BRCA2: variants seen among roughly 807,000 people sequenced by gnomAD.
BRCA2 encodes the protein BRCA2 DNA repair associated.
A neutral mutation model predicts 276.7 loss-of-function variants in BRCA2; 203 were observed. The observed-to-expected ratio is 0.73, with a 90% confidence interval of 0.65 to 0.82. The LOEUF is 0.82. BRCA2 is among the 40% of genes least tolerant of loss of function. The pLI, the probability that BRCA2 is intolerant of heterozygous loss-of-function variation, is 0.00. For missense variants in BRCA2, 3,920 were observed against 3,915.0 expected, an observed-to-expected ratio of 1.00 and a Z score of -0.03; for synonymous variants, 1,289 against 1,338.4, an observed-to-expected ratio of 0.96 and a Z score of 0.81.
intron 15 of BRCA2, among the ~76,000 whole-genome samples, chr13:32,356,876 C>G (rs1246378602): frequency 2.0e-5 from 3 of 152,180 alleles, no homozygotes; most frequent in Non-Finnish European, 2.9e-5. Context: ...TGTAAATGCT[C>G]TCAGCTAGGT....
intron 20 of BRCA2, among the ~76,000 whole-genome samples, chr13:32,373,647 C>G (rs552844875): frequency 5.6e-4 from 86 of 152,344 alleles, no homozygotes; most frequent in Non-Finnish European, 1.1e-3. Context: ...GGGTGGGCTC[C>G]CACGGCCTTG....
At chr13:32,334,155 C>T (rs2072431683) in intron 10 of BRCA2, among the ~76,000 whole-genome samples, 1 of 152,094 alleles carries the variant, frequency 6.6e-6, no homozygotes, top group African/African-American at 2.4e-5. Context: ...ATTGCTGAGT[C>T]AGATGGTATT....
chr13:32,343,265 CTGTT>C (rs2072586105), intron 11 of BRCA2, among the ~76,000 whole-genome samples: 1 of 151,996 alleles, frequency 6.6e-6, no homozygotes, highest in African/African-American at 2.4e-5. Context: ...ATAATTGAAT[CTGTT>C]TGTTAGTTGC....
In BRCA2 at chr13:32,371,058, G is replaced by A. The variant is rs1331784222; in HGVS notation, c.8590G>A (p.Ala2864Thr). 1 of 1,614,090 alleles carries A rather than the reference G, an allele frequency of 6.2e-7. No individual in the cohort carries two copies. Among genetic ancestry groups the A allele is most frequent in the Non-Finnish European group, 8.5e-7 (1 of 1,179,980 alleles). Reference sequence around the variant, plus strand: ...GGAGGCCCAACAAAAGAGACTAGAAGCCTTATTCACTAAAATTCAGGAGGA... The same window carrying A: ...GGAGGCCCAACAAAAGAGACTAGAAACCTTATTCACTAAAATTCAGGAGGA... ...YVEAQQKRLE[A>T]LFTKIQEEFE... Residue 2864 changes from alanine (A) to threonine (T), a missense_variant, in exon 20 of 27, where the codon GCC becomes ACC. Physicochemically the swap from Ala to Thr is moderately conservative, Grantham distance 58. This residue lies in a region of BRCA2 where 657 missense variants were observed against 758.2 expected (regional missense o/e 0.87). Transcript: ENST00000380152.
chr13:32,377,216 A>G (rs183906683), intron 21 of BRCA2, among the ~76,000 whole-genome samples: 3 of 152,296 alleles, frequency 2.0e-5, no homozygotes, highest in African/African-American at 2.4e-5. Flanking sequence ...TTGGGTAGAA[A>G]TGTTTCCGAA....
chr13:32,390,931 T>C (rs1474014881), intron 24 of BRCA2, among the ~76,000 whole-genome samples: 1 of 152,176 alleles, frequency 6.6e-6, no homozygotes, highest in Non-Finnish European at 1.5e-5. Flanking sequence ...ACTTTACAGA[T>C]GGGGAAACTG....
At chr13:32,348,475 A>C (rs958762450) in intron 13 of BRCA2, among the ~76,000 whole-genome samples, 4 of 152,158 alleles carry the variant, frequency 2.6e-5, no homozygotes, top group Non-Finnish European at 4.4e-5. Flanking sequence ...AATTGTTTCA[A>C]GCCATAATAG....
chr13:32,336,735 A>G lies in BRCA2; in HGVS notation c.2380A>G (p.Met794Val), dbSNP rs786203635. ...TTCTAGAGGCAAAGAATCATACAAA[A>G]TGTCAGACAAGCTCAAAGGTAACAA... Reference protein sequence around the residue: ...MISRGKESYKMSDKLKGNNYE... With the variant: ...MISRGKESYKVSDKLKGNNYE... The change falls in exon 11 of 27, where the codon ATG (methionine) becomes GTG (valine). Residue 794 changes from methionine to valine, a missense_variant. Transcript: ENST00000380152. 1.9e-6 allele frequency: 3 copies of G among 1,614,020 alleles called. No individual in the cohort carries two copies. Among genetic ancestry groups the G allele is most frequent in the Admixed American group, 3.3e-5 (2 of 59,984 alleles).
rs80359463 is a variant in BRCA2 at position 32,326,143 on chromosome 13, TAAGTC to T, written c.470_474del (p.Lys157SerfsTer24). The T allele has an allele frequency of 6.2e-7, 1 of 1,609,132 alleles. No homozygotes were observed. The highest frequency in any genetic ancestry group is 8.5e-7 in the Non-Finnish European group (1 of 1,176,496). ...GTACACATGTAACACCACAAAGAGA[TAAGTC>T]AGGTATGATTAAAAACAATGCTTTT... On this transcript the variant is annotated frameshift_variant and splice_region_variant, in exon 5 of 27. Transcript: ENST00000380152. LOFTEE classifies it high-confidence loss of function.
At position 32,338,885 on chromosome 13, in the gene BRCA2, C is replaced by G. The variant is rs757731214; in HGVS notation, c.4530C>G (p.Pro1510=). 1 of 1,613,748 alleles carries G rather than the reference C, an allele frequency of 6.2e-7. No homozygotes were observed. ...AACTAGTGACCTTCCAGGGACAACC[C>G]GAACGTGATGAAAAGATCAAAGAAC... is the stretch of plus-strand genomic sequence containing the variant. ...GNQLVTFQGQ[P]ERDEKIKEPT... The change falls in exon 11 of 27, where the codon CCC becomes CCG. Residue 1510 remains proline (P), a synonymous_variant. Transcript: ENST00000380152.
At chr13:32,351,484 G>T (rs1400758759) in intron 13 of BRCA2, among the ~76,000 whole-genome samples, 4 of 152,228 alleles carry the variant, frequency 2.6e-5, no homozygotes, top group African/African-American at 9.6e-5. Flanking sequence ...CTTCATTCTT[G>T]AAGTCAGCAA....
At chr13:32,396,856 G>T (rs776402563) in intron 25 of BRCA2, 42 bp from the exon 26 acceptor site, 4 of 1,610,862 alleles carry the variant, frequency 2.5e-6, no homozygotes, top group Non-Finnish European at 2.5e-6. Context: ...TAAATATGTG[G>T]GTTTGCAATT....
intron 14 of BRCA2, among the ~76,000 whole-genome samples, chr13:32,355,861 C>T (rs899475169): frequency 1.3e-5 from 2 of 151,152 alleles, no homozygotes; most frequent in East Asian, 3.9e-4. Flanking sequence ...GCCTGGGCAA[C>T]AAGAGTGAAA....
chr13:32,356,456 A>G lies in BRCA2; in HGVS notation c.7464A>G (p.Arg2488=), dbSNP rs80358969. 1 of 1,613,892 alleles carries G rather than the reference A, an allele frequency of 6.2e-7. No individual in the cohort carries two copies. The change falls in exon 15 of 27, where the codon AGA becomes AGG. Residue 2488 remains arginine, a synonymous_variant. Transcript: ENST00000380152. The part of the protein sequence containing the change: ...LDLITSLQNA[R]DIQDMRIKKK... ...TAATTACAAGTCTTCAGAATGCCAGAGATATACAGGATATGCGAATTAAGA... is the reference window on the plus strand; with the variant it reads ...TAATTACAAGTCTTCAGAATGCCAGGGATATACAGGATATGCGAATTAAGA...
At chr13:32,383,229 G>A (rs540867962) in intron 24 of BRCA2, among the ~76,000 whole-genome samples, 55 of 144,500 alleles carry the variant, frequency 3.8e-4, no homozygotes, top group African/African-American at 1.3e-3. Flanking sequence ...GTGTGGTGGC[G>A]GGCGCCTGCA....
At chr13:32,377,418 C>A (rs921073874) in intron 21 of BRCA2, among the ~76,000 whole-genome samples, 1 of 151,978 alleles carries the variant, frequency 6.6e-6, no homozygotes, top group African/African-American at 2.4e-5. Flanking sequence ...GTGGTGAAAC[C>A]CCGTCCCTAT....
Position 32,332,981 on chromosome 13 carries a change from C to G in BRCA2, c.1503C>G (p.Ile501Met), listed in dbSNP as rs1566223725. 2 of 1,594,286 alleles carry G rather than the reference C, an allele frequency of 1.3e-6. No homozygotes were observed. Among genetic ancestry groups the G allele is most frequent in the South Asian group, 1.2e-5 (1 of 86,080 alleles). The change falls in exon 10 of 27, where the codon ATC (isoleucine) becomes ATG (methionine). Residue 501 changes from isoleucine to methionine, a missense_variant. This residue lies in a region of BRCA2 where 3,263 missense variants were observed against 3,156.9 expected (regional missense o/e 1.03). Transcript: ENST00000380152. ...TSPVASSFQG[I>M]KKSIFRIRES... Reference sequence around the variant, plus strand: ...CAGTGGCTTCTTCATTTCAGGGTATCAAAAAGTCTATATTCAGAATAAGAG... The same window carrying G: ...CAGTGGCTTCTTCATTTCAGGGTATGAAAAAGTCTATATTCAGAATAAGAG...
In BRCA2 at chr13:32,375,718, G is replaced by A. The variant is rs11571756; in HGVS notation, c.8633-952G>A. Among the ~76,000 whole-genome samples the A allele has an allele frequency of 6.0e-3, 919 of 152,030 alleles. 9 individuals are homozygous for A. Among genetic ancestry groups the A allele is most frequent in the African/African-American group, 0.021 (873 of 41,446 alleles). ...TAGGATTACAGGCATGTGCCACCAC[G>A]CCCGGCTAATTTTGTATTTTTAGTA... On this transcript the variant is annotated intron_variant, in intron 20 of 26. Coordinates refer to ENST00000380152, the MANE Select transcript of BRCA2 (RefSeq NM_000059.4).
chr13:32,340,320 T>A lies in BRCA2; in HGVS notation c.5965T>A (p.Ser1989Thr), dbSNP rs2072542810. Reference sequence around the variant, plus strand: ...AGCAAGTGGAAAATCTGTCCAGGTATCAGATGCTTCATTACAAAACGCAAG... The same window carrying A: ...AGCAAGTGGAAAATCTGTCCAGGTAACAGATGCTTCATTACAAAACGCAAG... Reference protein sequence around the residue: ...STASGKSVQVSDASLQNARQV... With the variant: ...STASGKSVQVTDASLQNARQV... The change falls in exon 11 of 27, where the codon TCA (serine) becomes ACA (threonine). Residue 1989 changes from serine to threonine, a missense_variant. This residue lies in a region of BRCA2 where 3,263 missense variants were observed against 3,156.9 expected (regional missense o/e 1.03). Coordinates refer to ENST00000380152, the MANE Select transcript of BRCA2 (RefSeq NM_000059.4). 1 of 1,613,866 alleles carries A rather than the reference T, an allele frequency of 6.2e-7. No homozygotes were observed. Among genetic ancestry groups the A allele is most frequent in the Non-Finnish European group, 8.5e-7 (1 of 1,179,928 alleles).
Sources: allele counts gnomAD v4.1 joint callset (sites outside exome capture counted in the v4.1 genomes callset), GRCh38; gene constraint gnomAD v4.1.1; regional missense constraint gnomAD v4.1.1; transcripts MANE v1.5; gene names NCBI Gene and HGNC (gene_info 2026-07-23, HGNC 2026-07-21).